The following PYGB variants were observed in gnomAD, a reference collection of about 807,000 sequenced individuals.
PYGB encodes the protein glycogen phosphorylase, brain form.
In PYGB, 82 loss-of-function variants were observed where a neutral mutation model predicts 94.3. The ratio of observed to expected loss-of-function variants is 0.87; its 90% CI spans 0.73 to 1.04. The LOEUF (loss-of-function observed/expected upper bound fraction) is 1.04, where lower values mean the gene tolerates loss of function less well. Ranked by LOEUF, PYGB falls within the 50% of genes least tolerant of loss-of-function variation. The pLI is 0.00. For missense variants in PYGB, 1,132 were observed against 1,158.2 expected (o/e 0.98, Z 0.33); for synonymous variants, 488 against 479.1 (o/e 1.02, Z -0.24).
chr20:25,296,543 A>G lies in PYGB; in HGVS notation c.*21A>G. ...ACTAGGCACACCCTGCCTTGGCGGG[A>G]CCAGCGGGCATTTGTTTTCTTGCTG... is the stretch of plus-strand genomic sequence containing the variant. On this transcript the variant is annotated 3_prime_UTR_variant, in exon 20 of 20. Coordinates refer to ENST00000216962, the MANE Select transcript of PYGB (RefSeq NM_002862.4). The G allele has an allele frequency of 6.3e-7, 1 of 1,594,414 alleles. No individual in the cohort carries two copies. Among genetic ancestry groups the G allele is most frequent in the Non-Finnish European group, 8.5e-7 (1 of 1,170,114 alleles).
At chr20:25,273,996 A>G (rs1359762833) in intron 4 of PYGB, among the ~76,000 whole-genome samples, 1 of 152,198 alleles carries the variant, frequency 6.6e-6, no homozygotes, top group Non-Finnish European at 1.5e-5. Flanking sequence ...TGTAGGCGTG[A>G]GCCTCCGCCT....
At chr20:25,294,858 A>G in intron 18 of PYGB, 1 of 1,236,014 alleles carries the variant, frequency 8.1e-7, no homozygotes, top group African/African-American at 1.5e-5. Context: ...ACCGTTGGCA[A>G]AAGTTGAATC....
chr20:25,280,862 T>A, intron 10 of PYGB, 87 bp from the exon 11 acceptor site: 1 of 1,497,082 alleles, frequency 6.7e-7, no homozygotes, highest in East Asian at 2.3e-5. Flanking sequence ...CCATGGGTGG[T>A]CATGGAGTGT....
intron 1 of PYGB, among the ~76,000 whole-genome samples, chr20:25,257,239 G>A (rs1371393575): frequency 1.3e-5 from 2 of 152,260 alleles, no homozygotes; most frequent in African/African-American, 4.8e-5. Flanking sequence ...CCTCAAAGCA[G>A]CAAAACACAT....
intron 19 of PYGB, among the ~76,000 whole-genome samples, chr20:25,296,147 C>T (rs764976876): frequency 2.0e-5 from 3 of 152,136 alleles, no homozygotes; most frequent in Non-Finnish European, 4.4e-5. Context: ...AGGCTGGGAC[C>T]TTCTCTCCAG....
At chr20:25,274,155 C>T (rs993888274) in intron 4 of PYGB, among the ~76,000 whole-genome samples, 16 of 152,226 alleles carry the variant, frequency 1.1e-4, no homozygotes, top group African/African-American at 1.2e-4. Flanking sequence ...CAGAAAGAAG[C>T]CCTGCACCAA....
chr20:25,248,201 G>C lies in PYGB; in HGVS notation c.23G>C (p.Ser8Thr), dbSNP rs1479436324. Residue 8 changes from serine (S) to threonine (T), a missense_variant, in exon 1 of 20, where the codon AGC (serine) becomes ACC (threonine). By Grantham distance (58) the Ser-to-Thr change is moderately conservative. Coordinates refer to ENST00000216962, the MANE Select transcript of PYGB (RefSeq NM_002862.4). ...GCGATGGCGAAGCCGCTGACGGACA[G>C]CGAGAAGCGGAAGCAGATCAGCGTG... MAKPLTD[S>T]EKRKQISVRG... is the part of the protein sequence containing the mutation. The C allele has an allele frequency of 1.9e-6, 3 of 1,591,526 alleles. No individual in the cohort carries two copies. The East Asian group carries it at 7.1e-5, about 37-fold the overall frequency.
At chr20:25,287,919 T>G (rs1408144171) in intron 14 of PYGB, among the ~76,000 whole-genome samples, 1 of 152,048 alleles carries the variant, frequency 6.6e-6, no homozygotes, top group Non-Finnish European at 1.5e-5. Flanking sequence ...AGGTAGAGGC[T>G]GCAGTGAGCT....
At chr20:25,277,151 A>C in intron 6 of PYGB, 93 bp from the exon 7 acceptor site, 4 of 989,688 alleles carry the variant, frequency 4.0e-6, no homozygotes, top group Non-Finnish European at 6.4e-6. Context: ...TGCTCGAGCG[A>C]GTTTCCTTGG....
chr20:25,279,625 CAA>C (rs1228141079), intron 9 of PYGB, among the ~76,000 whole-genome samples: 1 of 151,946 alleles, frequency 6.6e-6, no homozygotes, highest in African/African-American at 2.4e-5. Context: ...TTCGGGAAGC[CAA>C]GGCAGGAGGG....
intron 2 of PYGB, among the ~76,000 whole-genome samples, chr20:25,261,876 A>G (rs775297412): frequency 3.3e-5 from 5 of 152,252 alleles, no homozygotes; most frequent in South Asian, 2.1e-4. Flanking sequence ...AAAAAAGGGT[A>G]TCAGTGATTG....
chr20:25,288,527 G>A, intron 15 of PYGB, 44 bp downstream of exon 15: 1 of 1,596,992 alleles, frequency 6.3e-7, no homozygotes, highest in Non-Finnish European at 8.6e-7. Flanking sequence ...GTTTGGTCTG[G>A]GGATAGTGGG....
intron 4 of PYGB, 143 bp downstream of exon 4, chr20:25,271,629 G>A: frequency 1.2e-6 from 1 of 865,378 alleles, no homozygotes; most frequent in Non-Finnish European, 1.8e-6. Context: ...GCAGGTCAGG[G>A]TAGCATCCTT....
Position 25,284,126 on chromosome 20 carries a change from C to T in PYGB, c.1643C>T (p.Ala548Val). 6.2e-7 allele frequency: 1 copy of T among 1,614,106 alleles called. No homozygotes were observed. The highest frequency in any genetic ancestry group is 8.5e-7 in the Non-Finnish European group (1 of 1,179,966). The change falls in exon 14 of 20, where the codon GCC becomes GTC. Residue 548 changes from alanine (A) to valine (V), a missense_variant. By Grantham distance (64) the Ala-to-Val change is moderately conservative (BLOSUM62 0). Coordinates refer to ENST00000216962, the MANE Select transcript of PYGB (RefSeq NM_002862.4). ...VKQENKLKFS[A>V]FLEKEYKVKI... ...CAGGAGAACAAGCTCAAGTTCTCGG[C>T]CTTCCTGGAGAAGGAGTACAAGGTG...
At position 25,249,734 on chromosome 20, in the gene PYGB, A is replaced by G. The variant is rs1307904428; in HGVS notation, c.243+1313A>G. Among the ~76,000 whole-genome samples, 3 of 152,244 alleles carry G rather than the reference A, an allele frequency of 2.0e-5. No homozygotes were observed. In the East Asian group the frequency reaches 5.8e-4, roughly 29 times the overall value. ...TATGCAAAACATAGAAGTGGCAACGAATGGCCAAAACAGGTTATAACAAGG... is the reference window on the plus strand; with the variant it reads ...TATGCAAAACATAGAAGTGGCAACGGATGGCCAAAACAGGTTATAACAAGG... On this transcript the variant is annotated intron_variant, in intron 1 of 19. Transcript: ENST00000216962.
intron 1 of PYGB, among the ~76,000 whole-genome samples, chr20:25,249,761 C>A (rs929825668): frequency 3.3e-5 from 5 of 152,072 alleles, no homozygotes; most frequent in African/African-American, 1.2e-4. Context: ...ATAACAAGGG[C>A]TTGGGATGAC....
chr20:25,259,280 T>C lies in PYGB; in HGVS notation c.287T>C (p.Leu96Pro). 2 of 1,612,436 alleles carry C rather than the reference T, an allele frequency of 1.2e-6. No individual in the cohort carries two copies. The highest frequency in any genetic ancestry group is 1.7e-6 in the Non-Finnish European group (2 of 1,178,388). The change falls in exon 2 of 20, where the codon CTG (leucine) becomes CCG (proline). Residue 96 changes from leucine (L) to proline (P), a missense_variant. Coordinates refer to ENST00000216962, the MANE Select transcript of PYGB (RefSeq NM_002862.4). ...LSLEFYMGRT[L>P]QNTMVNLGLQ... ...CTGGAATTCTACATGGGTCGCACGC[T>C]GCAGAACACGATGGTGAACCTGGGC...
chr20:25,290,696 T>C, intron 16 of PYGB, 74 bp downstream of exon 16: 2 of 1,557,524 alleles, frequency 1.3e-6, no homozygotes, highest in Non-Finnish European at 8.8e-7. Context: ...GCCCCGGGCC[T>C]TTCATCCTCA....
intron 14 of PYGB, chr20:25,285,530 C>T (rs1380503734): frequency 1.3e-5 from 2 of 151,954 alleles, no homozygotes; most frequent in Non-Finnish European, 2.9e-5. Flanking sequence ...TCCAGATGCT[C>T]CACTTCTGCT....
Sources: allele counts gnomAD v4.1 joint callset (sites outside exome capture counted in the v4.1 genomes callset), GRCh38; gene constraint gnomAD v4.1.1; transcripts MANE v1.5; gene names NCBI Gene and HGNC (gene_info 2026-07-23, HGNC 2026-07-21).